The following ATAD1 variants were observed in gnomAD, a reference collection of about 807,000 sequenced individuals.
ATAD1 encodes the protein ATPase family AAA domain containing 1, also known as outer mitochondrial transmembrane helix translocase.
Under a neutral mutation model 42.7 loss-of-function variants are expected in ATAD1, and 18 were observed. The ratio of observed to expected loss-of-function variants is 0.42; its 90% CI spans 0.29 to 0.63. The LOEUF (loss-of-function observed/expected upper bound fraction) is 0.63, where lower values mean the gene tolerates loss of function less well. Ranked by LOEUF, ATAD1 falls within the 20% of genes least tolerant of loss-of-function variation. ATAD1 has a pLI of 0.19. For synonymous variants in ATAD1, 132 were observed against 143.1 expected, an observed-to-expected ratio of 0.92 and a Z score of 0.55; for missense variants, 294 against 440.4, an observed-to-expected ratio of 0.67 and a Z score of 2.98.
chr10:87,819,255 C>T, upstream of ATAD1: 1 of 78,704 alleles, frequency 1.3e-5, no homozygotes, highest in Non-Finnish European at 2.1e-5. Flanking sequence ...AATGAGAAAT[C>T]GTCTCTACAA....
At chr10:87,763,610 T>C (rs1278633698) in intron 8 of ATAD1, among the ~76,000 whole-genome samples, 1 of 152,088 alleles carries the variant, frequency 6.6e-6, no homozygotes, top group African/African-American at 2.4e-5. Flanking sequence ...GAGATCAAGG[T>C]TGCAGTGCAC....
chr10:87,792,466 C>T (rs113428825), intron 3 of ATAD1, among the ~76,000 whole-genome samples, 191 bp downstream of exon 3: 2 of 152,266 alleles, frequency 1.3e-5, no homozygotes, highest in African/African-American at 4.8e-5. Flanking sequence ...ATGCCCCCTT[C>T]CCTTTGCTGA....
chr10:87,769,394 T>C (rs1854922311), intron 7 of ATAD1, among the ~76,000 whole-genome samples: 1 of 152,194 alleles, frequency 6.6e-6, no homozygotes, highest in Non-Finnish European at 1.5e-5. Context: ...AGCCCTTCCT[T>C]GTCTCATTTG....
At chr10:87,802,963 T>C (rs2132008504) in intron 2 of ATAD1, among the ~76,000 whole-genome samples, 1 of 152,326 alleles carries the variant, frequency 6.6e-6, no homozygotes, top group African/African-American at 2.4e-5. Flanking sequence ...TTGGAGTCAC[T>C]GAAAACTAAG....
At chr10:87,769,126 A>G (rs577883885) in intron 7 of ATAD1, among the ~76,000 whole-genome samples, 66 of 152,338 alleles carry the variant, frequency 4.3e-4, no homozygotes, top group Non-Finnish European at 8.1e-4. Context: ...TAACTATTGG[A>G]TTAGTGATAG....
chr10:87,796,959 G>A (rs765411341), intron 2 of ATAD1, among the ~76,000 whole-genome samples: 8 of 152,140 alleles, frequency 5.3e-5, no homozygotes, highest in African/African-American at 1.2e-4. Flanking sequence ...CTTACATAGC[G>A]ATGGACAGAA....
At chr10:87,761,921 T>A (rs1037113675) in intron 8 of ATAD1, among the ~76,000 whole-genome samples, 2 of 152,004 alleles carry the variant, frequency 1.3e-5, no homozygotes, top group African/African-American at 4.8e-5. Flanking sequence ...TTTTAAAATT[T>A]CTTTGTAGAG....
At chr10:87,756,190 T>C (rs1164855666) in intron 9 of ATAD1, among the ~76,000 whole-genome samples, 1 of 152,080 alleles carries the variant, frequency 6.6e-6, no homozygotes, top group Non-Finnish European at 1.5e-5. Flanking sequence ...CCCCTAAAAG[T>C]ACACTGGAGT....
chr10:87,774,820 G>A (rs1855215546), intron 6 of ATAD1, among the ~76,000 whole-genome samples: 1 of 152,070 alleles, frequency 6.6e-6, no homozygotes, highest in Admixed American at 6.6e-5. Context: ...AGGTGTGGTG[G>A]CGTGCACCTG....
chr10:87,755,191 T>TA (rs1854166581), intron 9 of ATAD1, among the ~76,000 whole-genome samples: 1 of 152,246 alleles, frequency 6.6e-6, no homozygotes, highest in African/African-American at 2.4e-5. Context: ...AAAATCACGT[T>TA]ATTCCCATGA....
At chr10:87,772,946 C>G (rs1369807352) in intron 6 of ATAD1, among the ~76,000 whole-genome samples, 1 of 152,120 alleles carries the variant, frequency 6.6e-6, no homozygotes, top group African/African-American at 2.4e-5. Flanking sequence ...GTTAGTTGTT[C>G]AAACTTTTAA....
intron 8 of ATAD1, among the ~76,000 whole-genome samples, chr10:87,765,040 T>C (rs1854672303): frequency 1.3e-5 from 2 of 152,034 alleles, no homozygotes; most frequent in African/African-American, 4.8e-5. Flanking sequence ...TTAATAGGTA[T>C]AACATGGCAA....
intron 1 of ATAD1, among the ~76,000 whole-genome samples, chr10:87,827,810 C>T (rs1488102987): frequency 6.6e-6 from 1 of 152,274 alleles, no homozygotes; most frequent in East Asian, 1.9e-4. Context: ...AAGAGTCACA[C>T]ATCTCTCACT....
At chr10:87,798,555 GT>G (rs147661158) in intron 2 of ATAD1, among the ~76,000 whole-genome samples, 16 of 141,078 alleles carry the variant, frequency 1.1e-4, no homozygotes, top group Admixed American at 3.5e-4. Context: ...GGTTTTTTGT[GT>G]TTTTTTTTTG....
chr10:87,812,599 G>A (rs1857237023), intron 2 of ATAD1, among the ~76,000 whole-genome samples: 1 of 152,170 alleles, frequency 6.6e-6, no homozygotes, highest in Non-Finnish European at 1.5e-5. Context: ...GAGATGTAGG[G>A]AAGAGAAGAG....
At chr10:87,762,802 G>A (rs1462925918) in intron 8 of ATAD1, among the ~76,000 whole-genome samples, 1 of 151,026 alleles carries the variant, frequency 6.6e-6, no homozygotes, top group South Asian at 2.1e-4. Flanking sequence ...CGGGCACGGT[G>A]GCTCATGCCT....
At chr10:87,807,473 C>T (rs1048214172) in intron 2 of ATAD1, among the ~76,000 whole-genome samples, 6 of 152,190 alleles carry the variant, frequency 3.9e-5, no homozygotes, top group Non-Finnish European at 5.9e-5. Flanking sequence ...AGACTTAAAA[C>T]TTTACAACCT....
chr10:87,818,294 C>T (rs1564785855), upstream of ATAD1: 4 of 981,962 alleles, frequency 4.1e-6, no homozygotes, highest in Non-Finnish European at 4.8e-6. Flanking sequence ...GCGCGACCCG[C>T]GGTCGCCGGC....
upstream of ATAD1, among the ~76,000 whole-genome samples, chr10:87,822,244 TATC>T (rs1443403825): frequency 6.6e-6 from 1 of 152,254 alleles, no homozygotes; most frequent in African/African-American, 2.4e-5. Context: ...CTTTTAAAAA[TATC>T]ATAAAAGGAT....
Sources: gnomAD v4.1 joint callset for allele counts (sites outside exome capture counted in the v4.1 genomes callset) on GRCh38, gnomAD v4.1.1 for gene constraint, MANE v1.5 for transcripts, NCBI Gene and HGNC (gene_info 2026-07-23, HGNC 2026-07-21) for gene names.